PTER: variants seen among roughly 807,000 people sequenced by gnomAD.
PTER encodes phosphotriesterase related.
PTER carries 38 observed loss-of-function variants against 29.6 expected under a neutral mutation model. That is an observed-to-expected ratio of 1.28 (90% CI 0.99 to 1.68). PTER has a LOEUF of 1.68. Among genes scored for constraint, PTER ranks in the 40% most tolerant of loss-of-function variants. PTER has a pLI of 0.00. For synonymous variants in PTER, 172 were observed against 154.5 expected, an observed-to-expected ratio of 1.11 and a Z score of -0.84; for missense variants, 482 against 427.8, an observed-to-expected ratio of 1.13 and a Z score of -1.12.
At chr10:16,439,672 C>A (rs1446349558) in intron 1 of PTER, among the ~76,000 whole-genome samples, 1 of 152,184 alleles carries the variant, frequency 6.6e-6, no homozygotes, top group Non-Finnish European at 1.5e-5. Flanking sequence ...ATACAGGACC[C>A]ATTCATACAG....
intron 3 of PTER, among the ~76,000 whole-genome samples, chr10:16,487,125 A>G (rs1835732448): frequency 1.3e-5 from 2 of 152,216 alleles, no homozygotes; most frequent in Non-Finnish European, 2.9e-5. Context: ...TGCAATTATA[A>G]AAAATAATAG....
In PTER at chr10:16,512,156, TG is replaced by T. The variant is rs1256118183; in HGVS notation, c.*901del. On this transcript the variant is annotated 3_prime_UTR_variant, in exon 5 of 5. Coordinates refer to ENST00000535784, the MANE Select transcript of PTER (RefSeq NM_001261836.2). ...ACCTAAACAGAGAAAATAATGCTTA[TG>T]TATCTGAAGAAAAGGTCAGATCTAT... 18 of 152,428 alleles carry T rather than the reference TG, an allele frequency of 1.2e-4. No individual in the cohort carries two copies. The highest frequency in any genetic ancestry group is 4.3e-4 in the African/African-American group (18 of 41,572). The allele number at this position is 152,428 out of a possible 1,614,324, so 9.4% of individuals were successfully genotyped here. A position where few individuals can be genotyped will look rare whatever the true frequency, so the allele number is the denominator to read the frequency against.
At chr10:16,507,093 T>C (rs1400877974) in intron 4 of PTER, among the ~76,000 whole-genome samples, 1 of 151,296 alleles carries the variant, frequency 6.6e-6, no homozygotes, top group Non-Finnish European at 1.5e-5. Flanking sequence ...ATGAGGGTCA[T>C]GGGATCCAAG....
intron 1 of PTER, among the ~76,000 whole-genome samples, chr10:16,438,048 C>A (rs1262700453): frequency 2.6e-5 from 4 of 152,214 alleles, no homozygotes; most frequent in Non-Finnish European, 4.4e-5. Flanking sequence ...CGCCCTTGCC[C>A]AGGCTGGAGT....
chr10:16,466,603 G>T (rs1039548103), intron 1 of PTER, among the ~76,000 whole-genome samples: 1 of 152,188 alleles, frequency 6.6e-6, no homozygotes, highest in Non-Finnish European at 1.5e-5. Context: ...TGATCCGCCT[G>T]TCTCTGCCTC....
chr10:16,501,805 T>A (rs1197400757), intron 3 of PTER, among the ~76,000 whole-genome samples: 4 of 152,236 alleles, frequency 2.6e-5, no homozygotes, highest in African/African-American at 9.6e-5. Flanking sequence ...GAATTTAAAT[T>A]CTAGCACATC....
At chr10:16,509,351 T>G (rs528482524) in intron 4 of PTER, among the ~76,000 whole-genome samples, 1 of 152,344 alleles carries the variant, frequency 6.6e-6, no homozygotes, top group South Asian at 2.1e-4. Context: ...GTTTTAAGTA[T>G]GAGTATCTTG....
rs1588612399 is a variant in PTER at position 16,480,193 on chromosome 10, A to T, written c.-48-4144A>T. Among the ~76,000 whole-genome samples the T allele has an allele frequency of 2.2e-5, 3 of 137,044 alleles. No homozygotes were observed. The South Asian group carries it at 7.2e-4, about 33-fold the overall frequency. The allele number at this position is 137,044 out of a possible 152,430, so 89.9% of individuals were successfully genotyped here. ...CTCAGTTTTGTAATTTGACTATAGC[A>T]TTTTTTTTTTTTTTGAGATAGAGTC... is the stretch of plus-strand genomic sequence containing the variant. On this transcript the variant is annotated intron_variant, in intron 1 of 4. Coordinates refer to ENST00000535784, the MANE Select transcript of PTER (RefSeq NM_001261836.2).
chr10:16,461,489 G>C (rs1834611459), intron 1 of PTER, among the ~76,000 whole-genome samples: 1 of 152,002 alleles, frequency 6.6e-6, no homozygotes, highest in Non-Finnish European at 1.5e-5. Flanking sequence ...ATTGCTCTAT[G>C]ACACATGTAG....
Position 16,511,352 on chromosome 10 carries a change from A to G in PTER, c.*96A>G. ...GTGAGATATTAATCAGTTACCTAGG[A>G]CTAATGACAGATCATTTCCTTCTGA... On this transcript the variant is annotated 3_prime_UTR_variant, in exon 5 of 5. Transcript: ENST00000535784. The G allele has an allele frequency of 2.7e-6, 3 of 1,120,478 alleles. No individual in the cohort carries two copies. The East Asian group carries it at 7.1e-5, about 27-fold the overall frequency. The allele number at this position is 1,120,478 out of a possible 1,614,324, so 69.4% of individuals were successfully genotyped here.
rs777554988 is a variant in PTER at position 16,484,765 on chromosome 10, T to G, written c.381T>G (p.Phe127Leu). 1.2e-6 allele frequency: 2 copies of G among 1,613,394 alleles called. No homozygotes were observed. Among genetic ancestry groups the G allele is most frequent in the Admixed American group, 1.7e-5 (1 of 59,872 alleles). Residue 127 changes from phenylalanine (F) to leucine (L), a missense_variant, in exon 2 of 5, where the codon TTT becomes TTG. Coordinates refer to ENST00000535784, the MANE Select transcript of PTER (RefSeq NM_001261836.2). ...TGVHIISGAG[F>L]YVDATHSSET... is the part of the protein sequence containing the mutation. ...TCCATATCATATCTGGAGCCGGGTT[T>G]TATGTGGATGCAACTCACTCCTCAG...
downstream of PTER, among the ~76,000 whole-genome samples, chr10:16,518,496 A>T (rs1012105828): frequency 3.9e-5 from 6 of 152,212 alleles, no homozygotes; most frequent in Non-Finnish European, 8.8e-5. Flanking sequence ...ACAAAGGAAG[A>T]TTTTACACCC....
chr10:16,466,568 C>G (rs764922818), intron 1 of PTER, among the ~76,000 whole-genome samples: 1 of 152,182 alleles, frequency 6.6e-6, no homozygotes, highest in Admixed American at 6.5e-5. Flanking sequence ...GTTGGCCAGG[C>G]TGGTCTCAAA....
At chr10:16,502,365 A>G (rs1836383600) in intron 3 of PTER, among the ~76,000 whole-genome samples, 3 of 152,226 alleles carry the variant, frequency 2.0e-5, no homozygotes, top group Admixed American at 6.5e-5. Context: ...TGTTTTCTAT[A>G]GAAAAACACA....
rs80073105 is a variant in PTER at position 16,501,512 on chromosome 10, T to C, written c.699-3508T>C. Among the ~76,000 whole-genome samples, 415 of 152,298 alleles carry C rather than the reference T, an allele frequency of 2.7e-3. 1 individual carries two copies. The highest frequency in any genetic ancestry group is 9.6e-3 in the African/African-American group (400 of 41,564). ...TCCTGCTTACTATATATAGTTACCC[T>C]CTGACTTAGCAGTTAAAAATCTCCA... On this transcript the variant is annotated intron_variant, in intron 3 of 4. Coordinates refer to ENST00000535784, the MANE Select transcript of PTER (RefSeq NM_001261836.2).
intron 4 of PTER, among the ~76,000 whole-genome samples, chr10:16,507,104 T>C (rs1046243464): frequency 6.6e-6 from 1 of 151,026 alleles, no homozygotes; most frequent in Non-Finnish European, 1.5e-5. Context: ...GGGATCCAAG[T>C]TGGAGGGAAG....
At chr10:16,514,598 C>T, downstream of PTER, 1 of 1,613,922 alleles carries the variant, frequency 6.2e-7, no homozygotes, top group East Asian at 2.2e-5. Context: ...GGCTTTCCCG[C>T]CATCTAATTT....
At chr10:16,459,607 C>T (rs1018031982) in intron 1 of PTER, among the ~76,000 whole-genome samples, 14 of 152,248 alleles carry the variant, frequency 9.2e-5, no homozygotes, top group African/African-American at 2.6e-4. Context: ...CACAGCAGCT[C>T]GTATGTATTC....
At chr10:16,456,822 G>A (rs1834410738) in intron 1 of PTER, among the ~76,000 whole-genome samples, 1 of 149,722 alleles carries the variant, frequency 6.7e-6, no homozygotes, top group Non-Finnish European at 1.5e-5. Context: ...TACATGTTGT[G>A]GGAGGGACCT....
Sources: allele counts gnomAD v4.1 joint callset (sites outside exome capture counted in the v4.1 genomes callset), GRCh38; gene constraint gnomAD v4.1.1; transcripts MANE v1.5; gene names NCBI Gene and HGNC (gene_info 2026-07-23, HGNC 2026-07-21).